DSCAM: variants seen among roughly 807,000 people sequenced by gnomAD.
DSCAM encodes cell adhesion molecule DSCAM.
Under a neutral mutation model 217.7 loss-of-function variants are expected in DSCAM, and 47 were observed. That is an observed-to-expected ratio of 0.22 (90% CI 0.17 to 0.28). DSCAM has a LOEUF of 0.28. Ranked by LOEUF, DSCAM falls within the 10% of genes least tolerant of loss-of-function variation. The probability of loss-of-function intolerance (pLI) is 1.00; values close to 1 mark genes in which losing one functional copy is unlikely to be tolerated. For missense variants in DSCAM, 2,080 were observed against 2,618.3 expected (o/e 0.79, Z 4.49); for synonymous variants, 1,056 against 1,015.3 (o/e 1.04, Z -0.76).
At chr21:40,710,856 G>A (rs984681365) in intron 1 of DSCAM, among the ~76,000 whole-genome samples, 4 of 152,198 alleles carry the variant, frequency 2.6e-5, no homozygotes, top group Non-Finnish European at 4.4e-5. Context: ...CAGATATTTC[G>A]AATGAACTTC....
At chr21:40,552,080 C>G (rs992270164) in intron 3 of DSCAM, among the ~76,000 whole-genome samples, 1 of 152,090 alleles carries the variant, frequency 6.6e-6, no homozygotes, top group African/African-American at 2.4e-5. Context: ...CTTTGGGAGG[C>G]CGAGGTGGGC....
At chr21:40,137,962 G>T (rs1331786083) in intron 18 of DSCAM, among the ~76,000 whole-genome samples, 3 of 151,950 alleles carry the variant, frequency 2.0e-5, no homozygotes, top group African/African-American at 7.3e-5. Flanking sequence ...GAGGAAAATG[G>T]TAACTTTTCA....
rs1395218685 is a variant in DSCAM at position 40,182,680 on chromosome 21, T to C, written c.2780-3586A>G. Reference sequence around the variant, plus strand: ...AGAGAAACCGTGGACAGGGGGGGGTTACCAGAGAAACCGTGGACGGGGGGG... The same window carrying C: ...AGAGAAACCGTGGACAGGGGGGGGTCACCAGAGAAACCGTGGACGGGGGGG... On this transcript the variant is annotated intron_variant, in intron 14 of 32. Transcript: ENST00000400454. Among the ~76,000 whole-genome samples the C allele has an allele frequency of 2.0e-3, 111 of 54,856 alleles. 3 individuals are homozygous for C. The highest frequency in any genetic ancestry group is 8.6e-3 in the African/African-American group (73 of 8,484). 36.0% of individuals were successfully genotyped at this position (54,856 alleles called of 152,430 possible).
At chr21:40,305,836 T>G (rs1415120674) in intron 9 of DSCAM, among the ~76,000 whole-genome samples, 1 of 152,226 alleles carries the variant, frequency 6.6e-6, no homozygotes, top group Non-Finnish European at 1.5e-5. Flanking sequence ...GCTGTTTTGG[T>G]TACTGTAGCC....
At chr21:40,663,182 T>C (rs1413618876) in intron 3 of DSCAM, among the ~76,000 whole-genome samples, 1 of 147,810 alleles carries the variant, frequency 6.8e-6, no homozygotes, top group Non-Finnish European at 1.5e-5. Context: ...GTGTGGTGTG[T>C]GTATGACATA....
intron 16 of DSCAM, among the ~76,000 whole-genome samples, chr21:40,152,786 C>T (rs578015525): frequency 5.8e-4 from 88 of 152,388 alleles, no homozygotes; most frequent in African/African-American, 2.1e-3. Context: ...CAAATGCTCA[C>T]TGCACCTGCC....
At chr21:40,608,100 A>G (rs1412338963) in intron 3 of DSCAM, among the ~76,000 whole-genome samples, 1 of 152,180 alleles carries the variant, frequency 6.6e-6, no homozygotes, top group Non-Finnish European at 1.5e-5. Context: ...TCTAAAGAGC[A>G]CCATAAATGG....
intron 31 of DSCAM, among the ~76,000 whole-genome samples, chr21:40,043,840 A>T (rs2088798209): frequency 6.6e-6 from 1 of 152,226 alleles, no homozygotes; most frequent in Admixed American, 6.5e-5. Flanking sequence ...TGGGTCTAAG[A>T]TTCAGGACAC....
At chr21:40,203,257 GCTT>G (rs1395776522) in intron 11 of DSCAM, among the ~76,000 whole-genome samples, 2 of 152,164 alleles carry the variant, frequency 1.3e-5, no homozygotes, top group Non-Finnish European at 1.5e-5. Context: ...TTTGTGTCTG[GCTT>G]CTTTCCTTCC....
At chr21:40,301,888 G>A (rs148380221) in intron 9 of DSCAM, among the ~76,000 whole-genome samples, 1 of 152,284 alleles carries the variant, frequency 6.6e-6, no homozygotes, top group African/African-American at 2.4e-5. Flanking sequence ...TGGACCCAAT[G>A]GAAGTGCCAT....
At chr21:40,365,857 A>G (rs2074826939) in intron 4 of DSCAM, among the ~76,000 whole-genome samples, 1 of 152,232 alleles carries the variant, frequency 6.6e-6, no homozygotes. Context: ...CCTCAGAGAA[A>G]GAATGACTTG....
chr21:40,579,931 G>C (rs2076890485), intron 3 of DSCAM, among the ~76,000 whole-genome samples: 1 of 152,122 alleles, frequency 6.6e-6, no homozygotes, highest in African/African-American at 2.4e-5. Flanking sequence ...GCCACGTGGT[G>C]GCCCAGGGTA....
intron 15 of DSCAM, 95 bp from the exon 16 acceptor site, chr21:40,167,383 C>T (rs2090608862): frequency 1.9e-6 from 2 of 1,070,526 alleles, no homozygotes; most frequent in East Asian, 4.7e-5. Flanking sequence ...GACAACCCAT[C>T]CCTATGTTTG....
intron 11 of DSCAM, among the ~76,000 whole-genome samples, chr21:40,231,843 C>CA (rs1569013430): frequency 6.6e-6 from 1 of 152,178 alleles, no homozygotes. Flanking sequence ...TGATGGCCTA[C>CA]AAGCTCTTCA....
Position 40,276,222 on chromosome 21 carries a change from T to A in DSCAM, c.2231A>T (p.Gln744Leu), listed in dbSNP as rs1348520981. The A allele has an allele frequency of 6.2e-7, 1 of 1,612,822 alleles. No individual in the cohort carries two copies. The highest frequency in any genetic ancestry group is 8.5e-7 in the Non-Finnish European group (1 of 1,179,500). Residue 744 changes from glutamine (Q) to leucine (L), a missense_variant, in exon 11 of 33, where the codon CAA becomes CTA. This residue lies in a region of DSCAM where 218 missense variants were observed against 364.1 expected (regional missense o/e 0.60). Transcript: ENST00000400454. ...CAGCAACGACCCATTGCTGAGAACT[T>A]GGATTCGGCCATTTAGGGCAATTGG... ...FQPIALNGRIQVLSNGSLLIK... is the reference protein window; with the variant it reads ...FQPIALNGRILVLSNGSLLIK...
intron 3 of DSCAM, among the ~76,000 whole-genome samples, chr21:40,416,617 G>GA (rs1483388057): frequency 3.3e-5 from 5 of 151,760 alleles, no homozygotes; most frequent in South Asian, 4.1e-4. Context: ...GCAATTTGGG[G>GA]AAAAAAGTGA....
intron 3 of DSCAM, among the ~76,000 whole-genome samples, chr21:40,604,480 T>C (rs1186464288): frequency 6.6e-6 from 1 of 152,218 alleles, no homozygotes; most frequent in East Asian, 1.9e-4. Flanking sequence ...TTGCCTTTCA[T>C]TTCTTGTCAT....
intron 3 of DSCAM, among the ~76,000 whole-genome samples, chr21:40,395,350 T>C (rs778589541): frequency 5.9e-4 from 90 of 152,072 alleles, no homozygotes; most frequent in South Asian, 8.3e-4. Context: ...TTTTTTTTTC[T>C]TTTAGATCAA....
chr21:40,316,125 C>CA (rs1056523960), intron 8 of DSCAM, among the ~76,000 whole-genome samples: 53 of 151,046 alleles, frequency 3.5e-4, no homozygotes, highest in East Asian at 3.9e-4. Context: ...ACATATCTAC[C>CA]AAAAAAAAGC....
Sources: gnomAD v4.1 joint callset for allele counts (sites outside exome capture counted in the v4.1 genomes callset) on GRCh38, gnomAD v4.1.1 for gene constraint, gnomAD v4.1.1 regional missense constraint, MANE v1.5 for transcripts, NCBI Gene and HGNC (gene_info 2026-07-23, HGNC 2026-07-21) for gene names.